PABPC4L: variants seen among roughly 807,000 people sequenced by gnomAD.
PABPC4L encodes the protein poly(A) binding protein cytoplasmic 4 like, also known as polyadenylate-binding protein 4-like.
For missense variants in PABPC4L, 452 were observed against 451.4 expected (o/e 1.00, Z -0.01); for synonymous variants, 169 against 164.1 (o/e 1.03, Z -0.23).
At chr4:134,131,803 C>A in the PABPC4L span, among the ~76,000 whole-genome samples, 1 of 140,654 alleles carries the variant, frequency 7.1e-6, no homozygotes, top group Non-Finnish European at 1.5e-5. Flanking sequence ...TTATATTACT[C>A]AACTTCACAC....
the PABPC4L span, among the ~76,000 whole-genome samples, chr4:134,142,641 A>G: frequency 6.6e-6 from 1 of 151,502 alleles, no homozygotes; most frequent in Non-Finnish European, 1.5e-5. Context: ...GACATATAGG[A>G]CATGTCCACA....
the PABPC4L span, among the ~76,000 whole-genome samples, chr4:134,111,437 TACAC>T: frequency 1.3e-5 from 2 of 151,692 alleles, no homozygotes; most frequent in South Asian, 2.1e-4. Context: ...TATAGATAGA[TACAC>T]ACACACATGT....
At chr4:134,083,914 A>T in the PABPC4L span, among the ~76,000 whole-genome samples, 1 of 152,146 alleles carries the variant, frequency 6.6e-6, no homozygotes, top group Non-Finnish European at 1.5e-5. Flanking sequence ...CCCATTCTAA[A>T]TTTATTCATG....
chr4:134,125,746 A>G, the PABPC4L span, among the ~76,000 whole-genome samples: 3 of 152,174 alleles, frequency 2.0e-5, no homozygotes, highest in Non-Finnish European at 2.9e-5. Context: ...CATTAGTAAA[A>G]AACAAAGTCT....
chr4:134,027,894 A>G, the PABPC4L span, among the ~76,000 whole-genome samples: 2 of 152,180 alleles, frequency 1.3e-5, no homozygotes, highest in Non-Finnish European at 2.9e-5. Flanking sequence ...AGACACCTAA[A>G]GTGAGAACAA....
chr4:133,962,608 G>A, the PABPC4L span, among the ~76,000 whole-genome samples: 1 of 152,136 alleles, frequency 6.6e-6, no homozygotes, highest in African/African-American at 2.4e-5. Context: ...GAAAACCTAT[G>A]AGATTAACAG....
the PABPC4L span, among the ~76,000 whole-genome samples, chr4:133,998,084 C>T: frequency 2.0e-5 from 3 of 151,768 alleles, no homozygotes; most frequent in African/African-American, 7.2e-5. Context: ...TACTTATATA[C>T]TTCTGATGTG....
chr4:134,139,346 G>A, the PABPC4L span, among the ~76,000 whole-genome samples: 1 of 151,886 alleles, frequency 6.6e-6, no homozygotes, highest in Non-Finnish European at 1.5e-5. Flanking sequence ...GTGACATGAA[G>A]CAATGAAGCA....
chr4:134,137,080 G>A, the PABPC4L span, among the ~76,000 whole-genome samples: 1 of 151,948 alleles, frequency 6.6e-6, no homozygotes, highest in Non-Finnish European at 1.5e-5. Context: ...AGCAAGGGAG[G>A]AAGACCAATT....
In PABPC4L at chr4:134,201,261, G is replaced by A; in HGVS notation, c.-226-16C>T. The A allele has an allele frequency of 6.6e-7, 1 of 1,505,736 alleles. No individual in the cohort carries two copies. The highest frequency in any genetic ancestry group is 8.9e-7 in the Non-Finnish European group (1 of 1,121,958). The allele number at this position is 1,505,736 out of a possible 1,614,324, so 93.3% of individuals were successfully genotyped here. On this transcript the variant is annotated splice_polypyrimidine_tract_variant and intron_variant, in intron 1 of 1. Coordinates refer to ENST00000421491, the MANE Select transcript of PABPC4L (RefSeq NM_001114734.2). ...GGCAACAGAACTGTGAAATCGCAAA[G>A]AGAGATTATTAGGACAAGACGTTCC...
the PABPC4L span, among the ~76,000 whole-genome samples, chr4:134,029,120 G>C: frequency 1.3e-5 from 2 of 152,074 alleles, no homozygotes; most frequent in Non-Finnish European, 2.9e-5. Flanking sequence ...GCAAATGTAT[G>C]AGCAACACTT....
the PABPC4L span, among the ~76,000 whole-genome samples, chr4:133,985,951 A>G: frequency 6.6e-6 from 1 of 152,114 alleles, no homozygotes; most frequent in Admixed American, 6.6e-5. Context: ...CAAGCTCAGT[A>G]AAAATTATTA....
the PABPC4L span, among the ~76,000 whole-genome samples, chr4:134,182,952 A>ATTTCTT: frequency 6.6e-6 from 1 of 152,028 alleles, no homozygotes; most frequent in Non-Finnish European, 1.5e-5. Flanking sequence ...AAAGTCACAA[A>ATTTCTT]ATAACAGATG....
the PABPC4L span, among the ~76,000 whole-genome samples, chr4:134,070,239 G>A: frequency 6.6e-6 from 1 of 152,124 alleles, no homozygotes; most frequent in South Asian, 2.1e-4. Context: ...ACTCTGATGA[G>A]TGGTGCCAGC....
chr4:134,047,302 A>G, the PABPC4L span, among the ~76,000 whole-genome samples: 2 of 152,128 alleles, frequency 1.3e-5, no homozygotes, highest in Non-Finnish European at 2.9e-5. Flanking sequence ...GCTTTGAAAT[A>G]TAACGGATCC....
the PABPC4L span, among the ~76,000 whole-genome samples, chr4:134,113,345 G>A: frequency 1.3e-5 from 2 of 151,950 alleles, no homozygotes; most frequent in South Asian, 4.1e-4. Context: ...AGCTCCATTC[G>A]TGGTAAGTGA....
At chr4:134,099,301 T>A in the PABPC4L span, among the ~76,000 whole-genome samples, 1 of 151,676 alleles carries the variant, frequency 6.6e-6, no homozygotes, top group Non-Finnish European at 1.5e-5. Flanking sequence ...TTATGTTAAG[T>A]GCATCATTCA....
At chr4:134,134,724 T>C in the PABPC4L span, among the ~76,000 whole-genome samples, 1 of 149,632 alleles carries the variant, frequency 6.7e-6, no homozygotes, top group East Asian at 1.9e-4. Context: ...ACTTATTTAA[T>C]ATATTATGTA....
chr4:134,135,668 C>T, the PABPC4L span, among the ~76,000 whole-genome samples: 895 of 152,004 alleles, frequency 5.9e-3, 11 homozygotes, highest in African/African-American at 0.02. Context: ...TCCGTCTCTA[C>T]TGAAAATACA....
Sources: gnomAD v4.1 joint callset for allele counts (sites outside exome capture counted in the v4.1 genomes callset) on GRCh38, gnomAD v4.1.1 for gene constraint, MANE v1.5 for transcripts, NCBI Gene and HGNC (gene_info 2026-07-23, HGNC 2026-07-21) for gene names.